RFX3: variants seen among roughly 807,000 people sequenced by gnomAD.
RFX3 encodes the protein regulatory factor X3, also known as transcription factor RFX3.
RFX3 carries 14 observed loss-of-function variants against 98.6 expected under a neutral mutation model. That is an observed-to-expected ratio of 0.14 (90% confidence interval 0.09 to 0.22). RFX3 has a LOEUF of 0.22. Among genes scored for constraint, RFX3 ranks in the 10% least tolerant of loss-of-function variants. The probability of loss-of-function intolerance (pLI) is 1.00; values close to 1 mark genes in which losing one functional copy is unlikely to be tolerated. For missense variants in RFX3, 639 were observed against 926.9 expected, an observed-to-expected ratio of 0.69 and a Z score of 4.03; for synonymous variants, 383 against 328.4, an observed-to-expected ratio of 1.17 and a Z score of -1.80.
Position 3,400,016 on chromosome 9 carries a change from C to T in RFX3, c.-8-4420G>A, listed in dbSNP as rs373842173. Among the ~76,000 whole-genome samples the T allele has an allele frequency of 4.6e-4, 70 of 151,256 alleles. 2 individuals carry two copies. Among genetic ancestry groups the T allele is most frequent in the African/African-American group, 1.7e-3 (69 of 41,188 alleles). On this transcript the variant is annotated intron_variant, in intron 1 of 16. Transcript: ENST00000617270. The stretch of plus-strand genomic sequence containing the variant: ...ATTGATGACATTTATATTAATTTTA[C>T]ACAGAAAAGTAATACCCAAGTTTAG...
intron 1 of RFX3, among the ~76,000 whole-genome samples, chr9:3,522,452 T>G (rs918152371): frequency 6.6e-6 from 1 of 152,172 alleles, no homozygotes; most frequent in South Asian, 2.1e-4. Flanking sequence ...CTCAAAAATG[T>G]TAAAGTTTAC....
intron 2 of RFX3, among the ~76,000 whole-genome samples, chr9:3,359,094 C>T (rs1445972402): frequency 6.6e-6 from 1 of 151,374 alleles, no homozygotes; most frequent in Admixed American, 6.6e-5. Flanking sequence ...GCCTACGAGA[C>T]CCTTGAAACG....
At chr9:3,500,209 A>T (rs1815828590) in intron 1 of RFX3, among the ~76,000 whole-genome samples, 1 of 152,196 alleles carries the variant, frequency 6.6e-6, no homozygotes, top group Admixed American at 6.6e-5. Context: ...CTGAGGATGA[A>T]GCAAGAAGAG....
chr9:3,524,455 CAGAA>C (rs1819012091), intron 1 of RFX3: 2 of 926,458 alleles, frequency 2.2e-6, no homozygotes, highest in African/African-American at 1.8e-5. Flanking sequence ...AGATCTTAAC[CAGAA>C]AGAAAGTGAA....
intron 2 of RFX3, among the ~76,000 whole-genome samples, chr9:3,360,054 A>G (rs1373926786): frequency 6.6e-6 from 1 of 152,112 alleles, no homozygotes; most frequent in Non-Finnish European, 1.5e-5. Flanking sequence ...TCTTGTAGTC[A>G]TTTCATTACC....
At chr9:3,521,340 G>A (rs960718735) in intron 1 of RFX3, among the ~76,000 whole-genome samples, 1 of 151,904 alleles carries the variant, frequency 6.6e-6, no homozygotes, top group Non-Finnish European at 1.5e-5. Flanking sequence ...AGTACACGAA[G>A]TTAGGTTCTG....
Position 3,263,011 on chromosome 9 carries a change from C to T in RFX3, c.1529G>A (p.Arg510His). 1.2e-6 allele frequency: 2 copies of T among 1,613,846 alleles called. No homozygotes were observed. The highest frequency in any genetic ancestry group is 2.2e-5 in the East Asian group (1 of 44,860). ...TSLNHLAQAARAVLQNTSQIN... is the reference protein window; with the variant it reads ...TSLNHLAQAAHAVLQNTSQIN... ...TTGGGAAGTGTTCTGAAGCACTGCACGAGCTGCCTGGGCCAGGTGATTAAG... is the reference window on the plus strand; with the variant it reads ...TTGGGAAGTGTTCTGAAGCACTGCATGAGCTGCCTGGGCCAGGTGATTAAG... Residue 510 changes from arginine to histidine, a missense_variant, in exon 13 of 17, where the codon CGT becomes CAT. Transcript: ENST00000617270.
intron 2 of RFX3, among the ~76,000 whole-genome samples, chr9:3,387,532 T>C (rs919136663): frequency 1.3e-5 from 2 of 152,166 alleles, no homozygotes; most frequent in Non-Finnish European, 2.9e-5. Context: ...TAAATCAGCA[T>C]GGTCCTCCAA....
At chr9:3,263,512 A>G (rs764205923) in intron 12 of RFX3, among the ~76,000 whole-genome samples, 2 of 152,166 alleles carry the variant, frequency 1.3e-5, no homozygotes, top group Non-Finnish European at 2.9e-5. Context: ...AAATAAAAAG[A>G]GATCTGGACA....
chr9:3,249,846 G>T (rs965922765), intron 14 of RFX3, among the ~76,000 whole-genome samples: 10 of 151,964 alleles, frequency 6.6e-5, no homozygotes, highest in Non-Finnish European at 1.5e-4. Context: ...ACCTACATTA[G>T]TGTTAATAAT....
intron 13 of RFX3, among the ~76,000 whole-genome samples, chr9:3,260,516 T>C (rs2131176485): frequency 6.6e-6 from 1 of 152,028 alleles, no homozygotes; most frequent in African/African-American, 2.4e-5. Flanking sequence ...CGGATATTAT[T>C]ATAAATAATT....
At chr9:3,505,266 A>ATT (rs1564187005) in intron 1 of RFX3, among the ~76,000 whole-genome samples, 5 of 74,564 alleles carry the variant, frequency 6.7e-5, no homozygotes, top group African/African-American at 4.4e-4. Context: ...ATATATTTAT[A>ATT]TATATATGAA....
chr9:3,344,825 C>T, intron 3 of RFX3: 1 of 714,606 alleles, frequency 1.4e-6, no homozygotes, highest in East Asian at 2.7e-5. Context: ...TAAATGCCAA[C>T]AGTAGTTTAA....
chr9:3,491,086 A>C (rs1179675851), intron 1 of RFX3, among the ~76,000 whole-genome samples: 2 of 152,144 alleles, frequency 1.3e-5, no homozygotes, highest in African/African-American at 2.4e-5. Context: ...TTAAAGGTAA[A>C]GGTGACATTA....
intron 1 of RFX3, among the ~76,000 whole-genome samples, chr9:3,502,388 A>C (rs529515027): frequency 1.3e-5 from 2 of 152,340 alleles, no homozygotes; most frequent in South Asian, 4.1e-4. Flanking sequence ...AGGTACCTTG[A>C]AGTACATTCT....
intron 1 of RFX3, among the ~76,000 whole-genome samples, chr9:3,458,726 A>G (rs1847414568): frequency 6.6e-6 from 1 of 152,162 alleles, no homozygotes; most frequent in African/African-American, 2.4e-5. Flanking sequence ...GTCAATGAAC[A>G]TGTGTTCATT....
intron 1 of RFX3, among the ~76,000 whole-genome samples, chr9:3,465,849 T>C (rs186681886): frequency 1.6e-4 from 24 of 152,014 alleles, no homozygotes; most frequent in Non-Finnish European, 3.1e-4. Flanking sequence ...TCAAAGGAGA[T>C]AGGGGAACTT....
At chr9:3,339,143 A>C (rs573522318) in intron 3 of RFX3, among the ~76,000 whole-genome samples, 9 of 152,158 alleles carry the variant, frequency 5.9e-5, no homozygotes, top group South Asian at 4.1e-4. Flanking sequence ...AAAAAACCCC[A>C]AAGTCTACTG....
At chr9:3,279,572 T>C (rs1433562025) in intron 7 of RFX3, among the ~76,000 whole-genome samples, 1 of 151,848 alleles carries the variant, frequency 6.6e-6, no homozygotes, top group East Asian at 1.9e-4. Flanking sequence ...AGGTGCTTAA[T>C]AGGCACAAAT....
Sources: allele counts gnomAD v4.1 joint callset (sites outside exome capture counted in the v4.1 genomes callset), GRCh38; gene constraint gnomAD v4.1.1; transcripts MANE v1.5; gene names NCBI Gene and HGNC (gene_info 2026-07-23, HGNC 2026-07-21).